Variants in DOCK1 observed in about 807,000 individuals in gnomAD.
DOCK1 encodes dedicator of cytokinesis protein 1.
A neutral mutation model predicts 262.7 loss-of-function variants in DOCK1; 138 were observed. That is an observed-to-expected ratio of 0.53 (90% CI 0.46 to 0.61). The LOEUF is 0.61. Among genes scored for constraint, DOCK1 ranks in the 20% least tolerant of loss-of-function variants. DOCK1 has a pLI of 0.00. For synonymous variants in DOCK1, 866 were observed against 867.4 expected (o/e 1.00, Z 0.03); for missense variants, 1,908 against 2,370.7 (o/e 0.80, Z 4.05).
At chr10:126,929,267 AC>A (rs2034004459) in intron 1 of DOCK1, among the ~76,000 whole-genome samples, 1 of 152,122 alleles carries the variant, frequency 6.6e-6, no homozygotes, top group Non-Finnish European at 1.5e-5. Flanking sequence ...AATTTACCTC[AC>A]CCTCTATGCT....
chr10:126,998,871 T>G (rs1032695751), intron 8 of DOCK1, among the ~76,000 whole-genome samples: 1 of 152,228 alleles, frequency 6.6e-6, no homozygotes, highest in African/African-American at 2.4e-5. Context: ...CTCTAGTATC[T>G]TCACTTGTAT....
At chr10:127,097,431 T>C (rs961264114) in intron 23 of DOCK1, among the ~76,000 whole-genome samples, 2 of 152,234 alleles carry the variant, frequency 1.3e-5, no homozygotes, top group Non-Finnish European at 2.9e-5. Context: ...TGTGTTATCT[T>C]TCTGTGGCTT....
At chr10:127,252,243 T>C (rs2059677262) in intron 28 of DOCK1, among the ~76,000 whole-genome samples, 1 of 142,530 alleles carries the variant, frequency 7.0e-6, no homozygotes, top group Non-Finnish European at 1.6e-5. Context: ...GTTTGTTTTT[T>C]TCTTTTAAAT....
At chr10:126,971,978 G>A (rs983305758) in intron 2 of DOCK1, among the ~76,000 whole-genome samples, 4 of 151,862 alleles carry the variant, frequency 2.6e-5, no homozygotes, top group East Asian at 1.9e-4. Flanking sequence ...GTGCAATGGC[G>A]CGATTTTGGC....
At chr10:127,190,234 C>A (rs1184113277) in intron 27 of DOCK1, among the ~76,000 whole-genome samples, 1 of 152,186 alleles carries the variant, frequency 6.6e-6, no homozygotes, top group Non-Finnish European at 1.5e-5. Context: ...TGGTAAAGAA[C>A]CCAACCCTTT....
At chr10:127,438,423 G>A (rs938531810) in intron 48 of DOCK1, among the ~76,000 whole-genome samples, 5 of 152,178 alleles carry the variant, frequency 3.3e-5, no homozygotes, top group African/African-American at 1.2e-4. Context: ...GAGGTTACGA[G>A]GACATCAAGA....
chr10:127,039,981 G>A (rs909943138), intron 19 of DOCK1, among the ~76,000 whole-genome samples: 7 of 152,116 alleles, frequency 4.6e-5, no homozygotes, highest in East Asian at 1.9e-4. Flanking sequence ...TCAGGTGCTC[G>A]CCCCTGCCCC....
intron 27 of DOCK1, among the ~76,000 whole-genome samples, chr10:127,201,348 G>C (rs1395629252): frequency 6.6e-6 from 1 of 152,186 alleles, no homozygotes; most frequent in Non-Finnish European, 1.5e-5. Context: ...GTTTCCTTCT[G>C]GTGGGAACCA....
intron 32 of DOCK1, among the ~76,000 whole-genome samples, chr10:127,361,333 C>T (rs967182361): frequency 3.9e-5 from 6 of 152,018 alleles, no homozygotes; most frequent in African/African-American, 1.4e-4. Flanking sequence ...CCAGGATGGT[C>T]TCGATCTCCT....
At chr10:127,447,332 C>T in intron 50 of DOCK1, 62 bp from the exon 51 acceptor site, 3 of 1,569,298 alleles carry the variant, frequency 1.9e-6, no homozygotes, top group Non-Finnish European at 2.6e-6. Context: ...TGGAGCAGCT[C>T]CCTGAGCATT....
At chr10:127,422,403 G>A (rs1242529654) in intron 46 of DOCK1, among the ~76,000 whole-genome samples, 1 of 151,930 alleles carries the variant, frequency 6.6e-6, no homozygotes, top group Non-Finnish European at 1.5e-5. Flanking sequence ...TTGACCTCGT[G>A]ATCCGCCCAC....
intron 29 of DOCK1, among the ~76,000 whole-genome samples, chr10:127,295,647 C>T (rs556460097): frequency 9.0e-4 from 137 of 151,830 alleles, no homozygotes; most frequent in Non-Finnish European, 1.8e-3. Flanking sequence ...GATTATACCA[C>T]TGCAGTCCAG....
intron 33 of DOCK1, among the ~76,000 whole-genome samples, chr10:127,362,918 C>G: frequency 1.7e-4 from 1 of 5,848 alleles, no homozygotes; most frequent in East Asian, 4.8e-3. Flanking sequence ...TCCACACACA[C>G]ATATACACAT....
chr10:127,297,777 TGA>T (rs772313509), intron 29 of DOCK1, among the ~76,000 whole-genome samples: 57 of 152,038 alleles, frequency 3.7e-4, no homozygotes, highest in Non-Finnish European at 7.2e-4. Flanking sequence ...ATCAGCTCAA[TGA>T]GAGGGGAAAT....
At chr10:126,986,854 G>A (rs937966322) in intron 4 of DOCK1, among the ~76,000 whole-genome samples, 1 of 152,168 alleles carries the variant, frequency 6.6e-6, no homozygotes, top group African/African-American at 2.4e-5. Context: ...AGATTGCAGT[G>A]AGCCGAGATT....
intron 27 of DOCK1, among the ~76,000 whole-genome samples, chr10:127,241,064 C>T (rs1487604715): frequency 1.3e-5 from 2 of 152,182 alleles, no homozygotes; most frequent in Non-Finnish European, 2.9e-5. Flanking sequence ...TGGCTCACGC[C>T]TGTAATCCCA....
At chr10:127,394,363 A>AC (rs2066690183) in intron 38 of DOCK1, among the ~76,000 whole-genome samples, 1 of 152,180 alleles carries the variant, frequency 6.6e-6, no homozygotes, top group South Asian at 2.1e-4. Flanking sequence ...AAAAAAAAAA[A>AC]AAAAAAAGCG....
Position 127,138,354 on chromosome 10 carries a change from T to C in DOCK1, c.2847+10590T>C, listed in dbSNP as rs1000568644. ...CCACAGTCTGTTCACATGGGCCTCA[T>C]GGAGTAAAACAGAAAACCAAAAGTA... On this transcript the variant is annotated intron_variant, in intron 27 of 51. Transcript: ENST00000623213. Among the ~76,000 whole-genome samples, 8 of 152,256 alleles carry C rather than the reference T, an allele frequency of 5.3e-5. No individual in the cohort carries two copies. The South Asian group carries it at 1.2e-3, about 24-fold the overall frequency.
intron 27 of DOCK1, among the ~76,000 whole-genome samples, chr10:127,172,194 C>T (rs929946733): frequency 6.6e-6 from 1 of 152,170 alleles, no homozygotes; most frequent in African/African-American, 2.4e-5. Flanking sequence ...GTGAATCCCT[C>T]GTTCTAAAGT....
Sources: allele counts gnomAD v4.1 joint callset (sites outside exome capture counted in the v4.1 genomes callset), GRCh38; gene constraint gnomAD v4.1.1; transcripts MANE v1.5; gene names NCBI Gene and HGNC (gene_info 2026-07-23, HGNC 2026-07-21).